The following RHPN2 variants were observed in gnomAD, a reference collection of about 807,000 sequenced individuals.
RHPN2 encodes the protein rhophilin Rho GTPase binding protein 2.
RHPN2 carries 40 observed loss-of-function variants against 79.0 expected under a neutral mutation model. The observed-to-expected ratio is 0.51, with a 90% CI of 0.39 to 0.66. The LOEUF is 0.66. RHPN2 is among the 30% of genes least tolerant of loss of function. RHPN2 has a pLI of 0.00. For synonymous variants in RHPN2, 285 were observed against 363.5 expected (o/e 0.78, Z 2.46); for missense variants, 686 against 883.5 (o/e 0.78, Z 2.83).
At chr19:33,003,645 C>T (rs1971768784) in intron 7 of RHPN2, among the ~76,000 whole-genome samples, 1 of 151,894 alleles carries the variant, frequency 6.6e-6, no homozygotes, top group Non-Finnish European at 1.5e-5. Context: ...TATTTTTCAG[C>T]CTTAAAAAGG....
intron 3 of RHPN2, among the ~76,000 whole-genome samples, chr19:33,025,981 G>GTTTTTTTTTT (rs71340523): frequency 7.7e-6 from 1 of 129,098 alleles, no homozygotes; most frequent in South Asian, 2.4e-4. Context: ...GTGTTCATTT[G>GTTTTTTTTTT]TTTTTTTTTT....
chr19:33,029,102 C>T (rs1019885178), intron 2 of RHPN2, among the ~76,000 whole-genome samples: 8 of 150,922 alleles, frequency 5.3e-5, no homozygotes, highest in African/African-American at 2.0e-4. Context: ...ATCGCGCCAC[C>T]GCACTCCAGC....
At chr19:33,032,184 CT>C (rs1752037365) in intron 2 of RHPN2, among the ~76,000 whole-genome samples, 1 of 151,856 alleles carries the variant, frequency 6.6e-6, no homozygotes, top group African/African-American at 2.4e-5. Context: ...CCATACCCAG[CT>C]AATTTTTGTA....
At chr19:32,983,667 C>A (rs1255548554) in intron 14 of RHPN2, among the ~76,000 whole-genome samples, 3 of 132,680 alleles carry the variant, frequency 2.3e-5, no homozygotes, top group Non-Finnish European at 4.7e-5. Flanking sequence ...GTCTTACTGT[C>A]ACCAGACTGG....
chr19:33,061,587 G>A (rs557155175), intron 1 of RHPN2, among the ~76,000 whole-genome samples: 14 of 150,332 alleles, frequency 9.3e-5, no homozygotes, highest in South Asian at 2.1e-4. Context: ...GGGTTCAAGC[G>A]AGTCTCCTGC....
rs1599834895 is a variant in RHPN2 at position 33,049,809 on chromosome 19, C to A, written c.70-5445G>T. The stretch of plus-strand genomic sequence containing the variant: ...GGAGGCTATATGAGCAACTTGAGAT[C>A]CTAGAGGCAGGCAGTAAAAGTTGGG... On this transcript the variant is annotated intron_variant, in intron 1 of 14. Coordinates refer to ENST00000254260, the MANE Select transcript of RHPN2 (RefSeq NM_033103.5). 2.0e-5 allele frequency among the ~76,000 whole-genome samples: 3 copies of A among 152,226 alleles called. No homozygotes were observed. In the East Asian group the frequency reaches 5.8e-4, roughly 29 times the overall value.
chr19:32,992,079 G>A, intron 12 of RHPN2, 110 bp from the exon 13 acceptor site: 3 of 1,256,200 alleles, frequency 2.4e-6, no homozygotes, highest in Non-Finnish European at 3.4e-6. Context: ...GCCTTGTTCA[G>A]GGACAAATGA....
At chr19:33,015,597 G>A (rs79791509) in intron 4 of RHPN2, among the ~76,000 whole-genome samples, 7 of 150,984 alleles carry the variant, frequency 4.6e-5, no homozygotes, top group Non-Finnish European at 8.9e-5. Flanking sequence ...TTTTTGCAAC[G>A]TAACAGCATG....
intron 2 of RHPN2, among the ~76,000 whole-genome samples, chr19:33,033,543 C>T (rs374520324): frequency 6.8e-6 from 1 of 146,402 alleles, no homozygotes; most frequent in Admixed American, 6.8e-5. Flanking sequence ...TCCAGCCTGG[C>T]GACAGAGCGA....
At position 33,007,997 on chromosome 19, in the gene RHPN2, C is replaced by A. The variant is rs749593379; in HGVS notation, c.760+17G>T. ...TGGGGCCAAGGCTCCGTCTGGTCAGCCCTGGAGGAGACATACCTGCGGCTC... is the reference window on the plus strand; with the variant it reads ...TGGGGCCAAGGCTCCGTCTGGTCAGACCTGGAGGAGACATACCTGCGGCTC... On this transcript the variant is annotated intron_variant, in intron 7 of 14. Transcript: ENST00000254260. The A allele has an allele frequency of 6.2e-7, 1 of 1,611,780 alleles. No homozygotes were observed. Among genetic ancestry groups the A allele is most frequent in the South Asian group, 1.1e-5 (1 of 90,988 alleles).
At chr19:33,041,769 C>T (rs1263665425) in intron 2 of RHPN2, among the ~76,000 whole-genome samples, 1 of 152,162 alleles carries the variant, frequency 6.6e-6, no homozygotes, top group Non-Finnish European at 1.5e-5. Flanking sequence ...ACATCACTTC[C>T]CTAGGTGATC....
chr19:32,991,329 C>T (rs10439129), intron 13 of RHPN2: 17,112 of 204,382 alleles, frequency 0.084, 876 homozygotes, highest in South Asian at 0.21. Context: ...CATGGTGGCA[C>T]GCACCTGTAA....
At chr19:33,012,614 A>G in intron 5 of RHPN2, 33 bp downstream of exon 5, 25 of 1,339,996 alleles carry the variant, frequency 1.9e-5, no homozygotes, top group Non-Finnish European at 2.5e-5. Context: ...CGGAAAAGCC[A>G]CCCTCCCCTC....
chr19:32,999,348 T>A (rs1971730051), intron 10 of RHPN2, among the ~76,000 whole-genome samples: 1 of 152,068 alleles, frequency 6.6e-6, no homozygotes, highest in South Asian at 2.1e-4. Context: ...AGGGAGATGG[T>A]TAAAGTCCTG....
At chr19:32,981,057 C>T (rs1198406323) in intron 14 of RHPN2, among the ~76,000 whole-genome samples, 3 of 152,044 alleles carry the variant, frequency 2.0e-5, no homozygotes, top group African/African-American at 7.2e-5. Flanking sequence ...GATCTCCTGA[C>T]CTCGTGATCC....
chr19:33,052,641 C>T (rs10401503), intron 1 of RHPN2, among the ~76,000 whole-genome samples: 54,480 of 152,144 alleles, frequency 0.36, 12,512 homozygotes, highest in African/African-American at 0.63. Context: ...TACACACATA[C>T]ATCTAATTTA....
intron 2 of RHPN2, among the ~76,000 whole-genome samples, chr19:33,028,953 AC>A (rs1468163474): frequency 6.6e-6 from 1 of 152,062 alleles, no homozygotes; most frequent in African/African-American, 2.4e-5. Flanking sequence ...AGCCTGGTCA[AC>A]ACGGTGAAAC....
intron 4 of RHPN2, among the ~76,000 whole-genome samples, chr19:33,012,927 G>A (rs1452519110): frequency 3.9e-5 from 6 of 152,106 alleles, no homozygotes; most frequent in African/African-American, 1.2e-4. Flanking sequence ...CCAGGCTGGA[G>A]TGCAGTGGCA....
intron 14 of RHPN2, 84 bp downstream of exon 14, chr19:32,990,430 G>A: frequency 1.4e-6 from 2 of 1,401,730 alleles, no homozygotes; most frequent in South Asian, 1.2e-5. Context: ...GAGACAGAGG[G>A]TCTGGTAAAC....
Sources: gnomAD v4.1 joint callset for allele counts (sites outside exome capture counted in the v4.1 genomes callset) on GRCh38, gnomAD v4.1.1 for gene constraint, MANE v1.5 for transcripts, NCBI Gene and HGNC (gene_info 2026-07-23, HGNC 2026-07-21) for gene names.